The following FAM163A variants were observed in gnomAD, a reference collection of about 807,000 sequenced individuals.
The protein encoded by FAM163A is protein FAM163A.
In FAM163A, 7 loss-of-function variants were observed where a neutral mutation model predicts 12.0. The observed-to-expected ratio is 0.58, with a 90% CI of 0.33 to 1.10. The LOEUF is 1.10. Among genes scored for constraint, FAM163A ranks in the 50% least tolerant of loss-of-function variants. The pLI is 0.03. For synonymous variants in FAM163A, 101 were observed against 91.0 expected (o/e 1.11, Z -0.62); for missense variants, 202 against 218.6 (o/e 0.92, Z 0.48).
intron 1 of FAM163A, among the ~76,000 whole-genome samples, chr1:179,760,943 C>T (rs913010925): frequency 2.6e-5 from 4 of 152,230 alleles, no homozygotes; most frequent in Non-Finnish European, 4.4e-5. Flanking sequence ...CTCTCTTCTA[C>T]GCCATGTGCC....
chr1:179,747,314 C>T (rs1313321121), intron 1 of FAM163A, among the ~76,000 whole-genome samples: 2 of 152,190 alleles, frequency 1.3e-5, no homozygotes, highest in Non-Finnish European at 2.9e-5. Flanking sequence ...CACAGATGCC[C>T]GGCTCAGTTC....
At position 179,814,361 on chromosome 1, in the gene FAM163A, A is replaced by G; in HGVS notation, c.*172A>G. 1 of 868,986 alleles carries G rather than the reference A, an allele frequency of 1.2e-6. No homozygotes were observed. Among genetic ancestry groups the G allele is most frequent in the Non-Finnish European group, 1.7e-6 (1 of 593,204 alleles). 53.8% of individuals were successfully genotyped at this position (868,986 alleles called of 1,614,324 possible). ...TAAGCTTTTGAGTGCATTGAGAACC[A>G]AGACAGGGCCTGGCTCCAACTCTGT... On this transcript the variant is annotated 3_prime_UTR_variant, in exon 5 of 5. Transcript: ENST00000341785.
intron 1 of FAM163A, among the ~76,000 whole-genome samples, chr1:179,801,109 C>A (rs1477444018): frequency 1.3e-5 from 2 of 152,088 alleles, no homozygotes; most frequent in Non-Finnish European, 2.9e-5. Flanking sequence ...TGGATATGCA[C>A]CCAGATAGGC....
the FAM163A span, among the ~76,000 whole-genome samples, chr1:179,730,008 C>A: frequency 3.3e-5 from 5 of 152,190 alleles, no homozygotes; most frequent in Non-Finnish European, 5.9e-5. Context: ...AGCCTCCTAC[C>A]TTTGGGATCT....
intron 1 of FAM163A, among the ~76,000 whole-genome samples, chr1:179,795,736 G>A (rs1004820361): frequency 2.0e-5 from 3 of 152,194 alleles, no homozygotes; most frequent in African/African-American, 7.2e-5. Flanking sequence ...GGGCTCAATA[G>A]CAGCTGGTTC....
intron 1 of FAM163A, among the ~76,000 whole-genome samples, chr1:179,748,446 G>C (rs1441266343): frequency 6.6e-6 from 1 of 152,162 alleles, no homozygotes; most frequent in Non-Finnish European, 1.5e-5. Flanking sequence ...TGTTTACATA[G>C]TATACAAGTA....
intron 2 of FAM163A, among the ~76,000 whole-genome samples, chr1:179,810,240 T>C (rs1185895396): frequency 6.6e-6 from 1 of 152,070 alleles, no homozygotes; most frequent in Non-Finnish European, 1.5e-5. Context: ...GAGCAAACCA[T>C]GAAGGGCATT....
At chr1:179,753,718 G>C (rs1685602778) in intron 1 of FAM163A, among the ~76,000 whole-genome samples, 1 of 152,194 alleles carries the variant, frequency 6.6e-6, no homozygotes, top group African/African-American at 2.4e-5. Context: ...AAGTTGAAAT[G>C]TAAATAGAAG....
intron 1 of FAM163A, among the ~76,000 whole-genome samples, chr1:179,747,509 AC>A (rs574868223): frequency 4.5e-4 from 68 of 152,322 alleles, no homozygotes; most frequent in African/African-American, 1.5e-3. Context: ...GTCCTCCAAC[AC>A]CATTAGGTGG....
At chr1:179,746,893 TG>T (rs992567042) in intron 1 of FAM163A, among the ~76,000 whole-genome samples, 15 of 152,126 alleles carry the variant, frequency 9.9e-5, no homozygotes, top group African/African-American at 3.4e-4. Flanking sequence ...CTTGGAAAGC[TG>T]GGGAGAGGTG....
At chr1:179,747,315 G>A (rs1453130158) in intron 1 of FAM163A, among the ~76,000 whole-genome samples, 2 of 152,184 alleles carry the variant, frequency 1.3e-5, no homozygotes, top group Non-Finnish European at 2.9e-5. Context: ...ACAGATGCCC[G>A]GCTCAGTTCC....
At chr1:179,774,153 G>C (rs1230162721) in intron 1 of FAM163A, among the ~76,000 whole-genome samples, 3 of 152,224 alleles carry the variant, frequency 2.0e-5, no homozygotes, top group African/African-American at 7.2e-5. Context: ...GTGCCCCCAT[G>C]GGAAGGAATT....
chr1:179,755,100 G>A (rs1347594023), intron 1 of FAM163A, among the ~76,000 whole-genome samples: 3 of 147,110 alleles, frequency 2.0e-5, no homozygotes, highest in Admixed American at 7.0e-5. Flanking sequence ...TCGTGCCACC[G>A]CACTCTAGCC....
intron 2 of FAM163A, among the ~76,000 whole-genome samples, chr1:179,808,496 G>A (rs774900483): frequency 1.3e-5 from 2 of 152,202 alleles, no homozygotes; most frequent in Non-Finnish European, 2.9e-5. Flanking sequence ...GTTCCTTTTG[G>A]GAGGCTGGAT....
At chr1:179,766,676 G>A (rs1223573356) in intron 1 of FAM163A, among the ~76,000 whole-genome samples, 5 of 151,928 alleles carry the variant, frequency 3.3e-5, no homozygotes, top group East Asian at 3.8e-4. Flanking sequence ...ACACCCCACA[G>A]CATAGACAGA....
At chr1:179,748,775 C>CATA (rs1294532703) in intron 1 of FAM163A, among the ~76,000 whole-genome samples, 2 of 152,190 alleles carry the variant, frequency 1.3e-5, no homozygotes, top group African/African-American at 4.8e-5. Context: ...GATTTTGATA[C>CATA]ATAAGCTCAG....
At chr1:179,786,196 C>T (rs1364947114) in intron 1 of FAM163A, among the ~76,000 whole-genome samples, 1 of 152,224 alleles carries the variant, frequency 6.6e-6, no homozygotes, top group Non-Finnish European at 1.5e-5. Flanking sequence ...CCTACTAACA[C>T]ATCACAAAAG....
At chr1:179,787,914 G>A (rs1690882242) in intron 1 of FAM163A, among the ~76,000 whole-genome samples, 1 of 152,176 alleles carries the variant, frequency 6.6e-6, no homozygotes, top group Non-Finnish European at 1.5e-5. Flanking sequence ...CCTGGGTCTG[G>A]GTGAAATCTG....
At chr1:179,741,270 G>A (rs1289938174), upstream of FAM163A, among the ~76,000 whole-genome samples, 1 of 151,246 alleles carries the variant, frequency 6.6e-6, no homozygotes, top group Admixed American at 6.5e-5. Flanking sequence ...CAAAACATAA[G>A]AAGTCTAATA....
Sources: allele counts gnomAD v4.1 joint callset (sites outside exome capture counted in the v4.1 genomes callset), GRCh38; gene constraint gnomAD v4.1.1; transcripts MANE v1.5; gene names NCBI Gene and HGNC (gene_info 2026-07-23, HGNC 2026-07-21).